The following DYNC2H1 variants were observed in gnomAD, a reference collection of about 807,000 sequenced individuals.
DYNC2H1 encodes the protein cytoplasmic dynein 2 heavy chain 1.
In DYNC2H1, 410 loss-of-function variants were observed where a neutral mutation model predicts 570.0. The observed-to-expected ratio is 0.72, with a 90% confidence interval of 0.66 to 0.78. The LOEUF (loss-of-function observed/expected upper bound fraction) is 0.78, where lower values mean the gene tolerates loss of function less well. Among genes scored for constraint, DYNC2H1 ranks in the 30% least tolerant of loss-of-function variants. The pLI is 0.00. For synonymous variants in DYNC2H1, 1,688 were observed against 1,677.6 expected, an observed-to-expected ratio of 1.01 and a Z score of -0.15; for missense variants, 4,865 against 5,046.4, an observed-to-expected ratio of 0.96 and a Z score of 1.09.
chr11:103,364,999 T>C (rs1480205494), intron 83 of DYNC2H1, among the ~76,000 whole-genome samples: 1 of 152,228 alleles, frequency 6.6e-6, no homozygotes, highest in African/African-American at 2.4e-5. Context: ...TCATGACTTT[T>C]AATAAAATAA....
chr11:103,399,309 ATTT>A (rs771285549), intron 83 of DYNC2H1, among the ~76,000 whole-genome samples: 2 of 93,744 alleles, frequency 2.1e-5, no homozygotes, highest in African/African-American at 4.8e-5. Flanking sequence ...TATTCGGCTA[ATTT>A]TTTTTTTTTT....
chr11:103,203,773 T>A lies in DYNC2H1; in HGVS notation c.8308T>A (p.Tyr2770Asn). 6.3e-6 allele frequency: 10 copies of A among 1,588,758 alleles called. No individual in the cohort carries two copies. Among genetic ancestry groups the A allele is most frequent in the Non-Finnish European group, 8.6e-6 (10 of 1,163,010 alleles). Residue 2770 changes from tyrosine (Y) to asparagine (N), a missense_variant, in exon 51 of 89, where the codon TAT becomes AAT. By Grantham distance (143) the Tyr-to-Asn change is moderately radical (BLOSUM62 -2). This residue lies in a region of DYNC2H1 where 2,401 missense variants were observed against 2,454.6 expected (regional missense o/e 0.98). Transcript: ENST00000375735. The surrounding 1 kb of genome is among the most constrained non-coding windows in gnomAD (Gnocchi z 4.7). ...TGGACCAGTCTTCAATTACTTCACATATAGTAAGTGACATAGAATTCATTA... is the reference window on the plus strand; with the variant it reads ...TGGACCAGTCTTCAATTACTTCACAAATAGTAAGTGACATAGAATTCATTA... Reference protein sequence around the residue: ...FFGPVFNYFTYRIQQNLHIVL... With the variant: ...FFGPVFNYFTNRIQQNLHIVL...
At chr11:103,390,790 G>T (rs1377536727) in intron 83 of DYNC2H1, among the ~76,000 whole-genome samples, 1 of 152,152 alleles carries the variant, frequency 6.6e-6, no homozygotes, top group Non-Finnish European at 1.5e-5. Flanking sequence ...ATTCTGGGTT[G>T]AAAATTCTTT....
chr11:103,171,173 T>C, intron 34 of DYNC2H1, 105 bp downstream of exon 34: 1 of 1,050,562 alleles, frequency 9.5e-7, no homozygotes, highest in Non-Finnish European at 1.3e-6. Flanking sequence ...CATCCGTGTT[T>C]CTAATCTGTA....
At chr11:103,358,847 A>G (rs1372469787) in intron 83 of DYNC2H1, among the ~76,000 whole-genome samples, 1 of 152,354 alleles carries the variant, frequency 6.6e-6, no homozygotes, top group Non-Finnish European at 1.5e-5. Flanking sequence ...TTCTGAGAAT[A>G]ATGTGTGATT....
rs886047565 is a variant in DYNC2H1, at chr11:103,186,457, T to G, written c.6849T>G (p.Thr2283=). ...TCAAACCATGGTTAAGTTCTGATACTAAACAGCCCTTTATTCTGGTAGGAC... is the reference window on the plus strand; with the variant it reads ...TCAAACCATGGTTAAGTTCTGATACGAAACAGCCCTTTATTCTGGTAGGAC... ...DYFKPWLSSD[T]KQPFILVGPE... is the part of the protein sequence containing the mutation. Residue 2283 remains threonine (T), a synonymous_variant, in exon 42 of 89, where the codon ACT becomes ACG. Transcript: ENST00000375735. The surrounding 1 kb of genome is among the most constrained non-coding windows in gnomAD (Gnocchi z 4.5). 2.5e-6 allele frequency: 4 copies of G among 1,612,264 alleles called. No homozygotes were observed. The highest frequency in any genetic ancestry group is 3.4e-6 in the Non-Finnish European group (4 of 1,179,062).
chr11:103,117,837 G>A lies in DYNC2H1; in HGVS notation c.973G>A (p.Asp325Asn), dbSNP rs1158405487. ...TGAAAAATATTTTCCAGAAACACTT[G>A]ACAAACTTGGCAAACGCCTTGAAGA... is the stretch of plus-strand genomic sequence containing the variant. ...KNEKYFPETL[D>N]KLGKRLEEVL... Residue 325 changes from aspartate (D) to asparagine (N), a missense_variant, in exon 6 of 89, where the codon GAC becomes AAC. Around this residue, in one of 5 missense-constraint regions of DYNC2H1, gnomAD observed 1,936 missense variants for 1,962.1 expected, o/e 0.99. Transcript: ENST00000375735. 6.2e-7 allele frequency: 1 copy of A among 1,612,010 alleles called. No homozygotes were observed. The highest frequency in any genetic ancestry group is 8.5e-7 in the Non-Finnish European group (1 of 1,178,864).
Position 103,186,304 on chromosome 11 carries a change from C to T in DYNC2H1, c.6696C>T (p.Asp2232=), listed in dbSNP as rs747015090. The change falls in exon 42 of 89, where the codon GAC becomes GAT. Residue 2232 remains aspartate (D), a synonymous_variant. Transcript: ENST00000375735. The surrounding 1 kb of genome is among the most constrained non-coding windows in gnomAD (Gnocchi z 4.5). The part of the protein sequence containing the change: ...DFHKPMDTYY[D]STRGRLATYV... ...ACAAACCTATGGATACCTACTATGA[C>T]TCTACTAGGGGTCGATTAGCAACAT... The T allele has an allele frequency of 9.3e-6, 15 of 1,612,480 alleles. No individual in the cohort carries two copies. The Admixed American group carries it at 2.3e-4, about 25-fold the overall frequency.
chr11:103,475,131 T>C (rs896193391), intron 88 of DYNC2H1, among the ~76,000 whole-genome samples: 3 of 152,220 alleles, frequency 2.0e-5, no homozygotes, highest in Non-Finnish European at 4.4e-5. Context: ...GCCTCATTAT[T>C]GAACAGAACT....
chr11:103,300,097 G>C (rs1866987152), intron 75 of DYNC2H1, among the ~76,000 whole-genome samples: 1 of 151,984 alleles, frequency 6.6e-6, no homozygotes. Flanking sequence ...TAAAAAGAAT[G>C]AATCTATTAT....
At chr11:103,309,823 AAG>A in intron 78 of DYNC2H1, among the ~76,000 whole-genome samples, 1 of 152,226 alleles carries the variant, frequency 6.6e-6, no homozygotes, top group Admixed American at 6.5e-5. Flanking sequence ...ATATTTCGAT[AAG>A]AGAGTATTAT....
rs556030096 is a variant in DYNC2H1, at chr11:103,325,855, G to T, written c.12039+1865G>T. On this transcript the variant is annotated intron_variant, in intron 82 of 88. Transcript: ENST00000375735. The surrounding 1 kb of genome is among the most constrained non-coding windows in gnomAD (Gnocchi z 4.8). Reference sequence around the variant, plus strand: ...CATTTCAGTCTCATTAGGGACCGTTGCTGGTGGGCGGGGGATGGGCGTATA... The same window carrying T: ...CATTTCAGTCTCATTAGGGACCGTTTCTGGTGGGCGGGGGATGGGCGTATA... Among the ~76,000 whole-genome samples, 1 of 152,236 alleles carries T rather than the reference G, an allele frequency of 6.6e-6. No homozygotes were observed. Among genetic ancestry groups the T allele is most frequent in the Non-Finnish European group, 1.5e-5 (1 of 68,012 alleles).
At chr11:103,402,310 A>G (rs1942677217) in intron 84 of DYNC2H1, 1 of 152,136 alleles carries the variant, frequency 6.6e-6, no homozygotes, top group African/African-American at 2.4e-5. Context: ...ACCAGCAAAA[A>G]AGAATACTTC....
At position 103,256,242 on chromosome 11, in the gene DYNC2H1, T is replaced by A; in HGVS notation, c.10461+2T>A. On this transcript the variant is annotated splice_donor_variant, in intron 68 of 88. Transcript: ENST00000375735. LOFTEE classifies it high-confidence loss of function. The surrounding 1 kb of genome is among the most constrained non-coding windows in gnomAD (Gnocchi z 4.0). ...AAACTCCAAATTTCCCTTGATCAAG[T>A]AATTATTTCCTTCTTTGTAATTTCG... The A allele has an allele frequency of 6.3e-7, 1 of 1,592,350 alleles. No homozygotes were observed. The highest frequency in any genetic ancestry group is 8.5e-7 in the Non-Finnish European group (1 of 1,170,728).
In DYNC2H1 at chr11:103,280,670, T is replaced by G. The variant is rs1866095000; in HGVS notation, c.10761+257T>G. Among the ~76,000 whole-genome samples the G allele has an allele frequency of 6.6e-6, 1 of 152,088 alleles. No homozygotes were observed. Among genetic ancestry groups the G allele is most frequent in the Non-Finnish European group, 1.5e-5 (1 of 67,964 alleles). The stretch of plus-strand genomic sequence containing the variant: ...ACATTTTTCTGAACCCAAGTTCACT[T>G]ACTTAGGGCAACAGAAGAGTCAGCC... On this transcript the variant is annotated intron_variant, in intron 71 of 88. Transcript: ENST00000375735. The surrounding 1 kb of genome is among the most constrained non-coding windows in gnomAD (Gnocchi z 4.7).
chr11:103,280,298 C>T lies in DYNC2H1; in HGVS notation c.10696-50C>T, dbSNP rs867557365. 5 of 1,536,160 alleles carry T rather than the reference C, an allele frequency of 3.3e-6. 1 individual carries two copies. The Middle Eastern group carries it at 5.4e-4, about 167-fold the overall frequency. ...CCAAATTTTAACGACTATGCTTTTC[C>T]AAAGACACAAATTTTTAAAAGGCAA... On this transcript the variant is annotated intron_variant, in intron 70 of 88. Coordinates refer to ENST00000375735, the MANE Select transcript of DYNC2H1 (RefSeq NM_001377.3). The surrounding 1 kb of genome is among the most constrained non-coding windows in gnomAD (Gnocchi z 4.7).
chr11:103,166,397 A>T (rs1861305069), intron 31 of DYNC2H1, among the ~76,000 whole-genome samples: 1 of 152,106 alleles, frequency 6.6e-6, no homozygotes, highest in Non-Finnish European at 1.5e-5. Flanking sequence ...AATCTTTTAT[A>T]TATACCTAGA....
chr11:103,148,953 A>G (rs1048302067), intron 20 of DYNC2H1, among the ~76,000 whole-genome samples: 6 of 152,142 alleles, frequency 3.9e-5, no homozygotes, highest in Non-Finnish European at 8.8e-5. Flanking sequence ...GCTATTCAGG[A>G]GGCTGAGGCA....
At position 103,211,889 on chromosome 11, in the gene DYNC2H1, T is replaced by G; in HGVS notation, c.8640T>G (p.Ser2880=). 1 of 1,537,322 alleles carries G rather than the reference T, an allele frequency of 6.5e-7. No individual in the cohort carries two copies. Reference sequence around the variant, plus strand: ...ACATGACCTTTTTACATGTGTATTCTGCCATTAGTAGTAGCAAGAAAAAGG... The same window carrying G: ...ACATGACCTTTTTACATGTGTATTCGGCCATTAGTAGTAGCAAGAAAAAGG... ...SRYMTFLHVY[S]AISSSKKKEL... Residue 2880 remains serine, a synonymous_variant, in exon 54 of 89, where the codon TCT becomes TCG. Coordinates refer to ENST00000375735, the MANE Select transcript of DYNC2H1 (RefSeq NM_001377.3).
Sources: gnomAD v4.1 joint callset for allele counts (sites outside exome capture counted in the v4.1 genomes callset) on GRCh38, gnomAD v4.1.1 for gene constraint, gnomAD v4.1.1 regional missense constraint, Gnocchi (gnomAD v3.1) non-coding constraint, MANE v1.5 for transcripts, NCBI Gene and HGNC (gene_info 2026-07-23, HGNC 2026-07-21) for gene names.